The following SLC44A3 variants were observed in gnomAD, a reference collection of about 807,000 sequenced individuals.
The protein encoded by SLC44A3 is choline transporter-like protein 3.
In SLC44A3, 74 loss-of-function variants were observed where a neutral mutation model predicts 75.4. The ratio of observed to expected loss-of-function variants is 0.98; its 90% CI spans 0.81 to 1.19. The LOEUF (loss-of-function observed/expected upper bound fraction) is 1.19. SLC44A3 is among the 50% of genes most tolerant of loss of function. The probability of loss-of-function intolerance (pLI) is 0.00; values close to 1 mark genes in which losing one functional copy is unlikely to be tolerated. For missense variants in SLC44A3, 700 were observed against 778.6 expected (o/e 0.90, Z 1.20); for synonymous variants, 310 against 296.9 (o/e 1.04, Z -0.45).
At chr1:94,883,698 A>C (rs969939189) in intron 12 of SLC44A3, among the ~76,000 whole-genome samples, 1 of 152,230 alleles carries the variant, frequency 6.6e-6, no homozygotes, top group Non-Finnish European at 1.5e-5. Flanking sequence ...AAAAACAATA[A>C]GTACTCTAAC....
At chr1:94,876,299 C>A (rs560328029) in intron 12 of SLC44A3, among the ~76,000 whole-genome samples, 12 of 152,322 alleles carry the variant, frequency 7.9e-5, no homozygotes, top group African/African-American at 2.6e-4. Context: ...TAAAATGAAA[C>A]CATTAAATAG....
chr1:94,888,469 G>A (rs72962432), intron 12 of SLC44A3, among the ~76,000 whole-genome samples: 1,522 of 152,188 alleles, frequency 0.01, 15 homozygotes, highest in African/African-American at 0.035. Context: ...AACCCAAGAT[G>A]ATTGAAGATG....
chr1:94,892,162 T>C, intron 13 of SLC44A3, 119 bp from the exon 14 acceptor site: 1 of 931,972 alleles, frequency 1.1e-6, no homozygotes, highest in South Asian at 1.6e-5. Context: ...AAGCATTCTT[T>C]ACAATAGTGC....
chr1:94,827,323 G>C, intron 3 of SLC44A3, 184 bp from the exon 4 acceptor site: 1 of 687,046 alleles, frequency 1.5e-6, no homozygotes, highest in South Asian at 1.9e-5. Context: ...TAGTTTCCAA[G>C]CTGCACAGCT....
intron 9 of SLC44A3, among the ~76,000 whole-genome samples, chr1:94,853,601 G>T (rs79227093): frequency 0.012 from 1,875 of 152,278 alleles, 40 homozygotes; most frequent in African/African-American, 0.043. Flanking sequence ...ATCATGTTCT[G>T]GGAGAGGACT....
chr1:94,863,543 A>G (rs1012360628), intron 10 of SLC44A3, among the ~76,000 whole-genome samples: 1 of 152,248 alleles, frequency 6.6e-6, no homozygotes, highest in Non-Finnish European at 1.5e-5. Context: ...CTTAAAAAAA[A>G]AGAAAAATGA....
At chr1:94,832,916 G>C (rs887924940) in intron 5 of SLC44A3, among the ~76,000 whole-genome samples, 1 of 152,002 alleles carries the variant, frequency 6.6e-6, no homozygotes, top group Non-Finnish European at 1.5e-5. Context: ...GTAGTGAGCT[G>C]TGATCATGCC....
chr1:94,846,903 C>G (rs1664475913), intron 9 of SLC44A3, among the ~76,000 whole-genome samples: 1 of 152,228 alleles, frequency 6.6e-6, no homozygotes, highest in Non-Finnish European at 1.5e-5. Flanking sequence ...AAACTCAGTC[C>G]CCTTCCTTCT....
chr1:94,862,254 T>G (rs1390736915), intron 10 of SLC44A3, among the ~76,000 whole-genome samples: 1 of 152,210 alleles, frequency 6.6e-6, no homozygotes, highest in Non-Finnish European at 1.5e-5. Context: ...AGCTTTACGT[T>G]GGAGGCCATT....
At chr1:94,862,449 C>CAGTA (rs1666688242) in intron 10 of SLC44A3, among the ~76,000 whole-genome samples, 1 of 152,236 alleles carries the variant, frequency 6.6e-6, no homozygotes, top group Non-Finnish European at 1.5e-5. Context: ...AATTACAAAA[C>CAGTA]AGTACTTTGT....
chr1:94,860,493 G>C (rs978441553), intron 10 of SLC44A3, among the ~76,000 whole-genome samples: 15 of 152,146 alleles, frequency 9.9e-5, no homozygotes, highest in African/African-American at 2.7e-4. Context: ...GCCAGGGCTG[G>C]AGGACACAAG....
chr1:94,875,709 T>C (rs1380621309), intron 12 of SLC44A3, among the ~76,000 whole-genome samples: 1 of 152,190 alleles, frequency 6.6e-6, no homozygotes, highest in Non-Finnish European at 1.5e-5. Flanking sequence ...CTTTTATTAA[T>C]GGTAGCAAGG....
chr1:94,841,153 G>C (rs977207734), intron 7 of SLC44A3, among the ~76,000 whole-genome samples: 1 of 152,172 alleles, frequency 6.6e-6, no homozygotes, highest in African/African-American at 2.4e-5. Context: ...ACAGAATACG[G>C]TTGGCAGCTG....
chr1:94,889,880 C>T (rs528900573), intron 12 of SLC44A3, among the ~76,000 whole-genome samples: 25 of 150,748 alleles, frequency 1.7e-4, no homozygotes, highest in South Asian at 4.2e-4. Context: ...GATGGAGTTT[C>T]GCTCTTGTTG....
intron 11 of SLC44A3, among the ~76,000 whole-genome samples, chr1:94,865,938 C>T (rs1667120245): frequency 6.6e-6 from 1 of 152,204 alleles, no homozygotes; most frequent in African/African-American, 2.4e-5. Flanking sequence ...TTGGATAACA[C>T]ATAAAATTAT....
chr1:94,835,381 C>T (rs1038480848), intron 5 of SLC44A3, among the ~76,000 whole-genome samples: 2 of 152,132 alleles, frequency 1.3e-5, no homozygotes, highest in Non-Finnish European at 2.9e-5. Context: ...AAGGATGTTA[C>T]GGTGAAATCC....
chr1:94,846,673 T>A (rs1211434071), intron 9 of SLC44A3, among the ~76,000 whole-genome samples: 1 of 152,250 alleles, frequency 6.6e-6, no homozygotes, highest in Non-Finnish European at 1.5e-5. Flanking sequence ...CTTTTCTAAC[T>A]CCTCTGTTTG....
chr1:94,820,513 GC>G, intron 1 of SLC44A3, 35 bp downstream of exon 1: 2 of 1,486,652 alleles, frequency 1.3e-6, no homozygotes, highest in Non-Finnish European at 1.8e-6. Context: ...CGGGGGAGGA[GC>G]CCCGGGGAAG....
chr1:94,864,621 C>T (rs1666949346), intron 10 of SLC44A3, 122 bp from the exon 11 acceptor site: 4 of 998,522 alleles, frequency 4.0e-6, no homozygotes, highest in Middle Eastern at 3.3e-4. Flanking sequence ...ATAAAAAGTT[C>T]GCCAAATGCT....
Sources: gnomAD v4.1 joint callset for allele counts (sites outside exome capture counted in the v4.1 genomes callset) on GRCh38, gnomAD v4.1.1 for gene constraint, MANE v1.5 for transcripts, NCBI Gene and HGNC (gene_info 2026-07-23, HGNC 2026-07-21) for gene names.